The following METTL9 variants were observed in gnomAD, a reference collection of about 807,000 sequenced individuals.
METTL9 encodes the protein methyltransferase 9, His-X-His N1(pi)-histidine, also known as protein-L-histidine N-pros-methyltransferase.
Under a neutral mutation model 36.0 loss-of-function variants are expected in METTL9, and 10 were observed. The ratio of observed to expected loss-of-function variants is 0.28; its 90% CI spans 0.17 to 0.47. The LOEUF (loss-of-function observed/expected upper bound fraction) is 0.47. Ranked by LOEUF, METTL9 falls within the 20% of genes least tolerant of loss-of-function variation. The pLI is 0.99. For synonymous variants in METTL9, 175 were observed against 149.7 expected (o/e 1.17, Z -1.23); for missense variants, 246 against 383.5 (o/e 0.64, Z 3.00).
At chr16:21,630,874 A>C (rs1466269433) in intron 4 of METTL9, among the ~76,000 whole-genome samples, 1 of 152,212 alleles carries the variant, frequency 6.6e-6, no homozygotes, top group Non-Finnish European at 1.5e-5. Flanking sequence ...AGGTTGGTAC[A>C]AGAGTTTGAA....
intron 1 of METTL9, among the ~76,000 whole-genome samples, chr16:21,606,144 G>T (rs1029833049): frequency 1.3e-5 from 2 of 152,038 alleles, no homozygotes; most frequent in Non-Finnish European, 2.9e-5. Context: ...AGACCATCCC[G>T]GCTAACAGGG....
chr16:21,630,672 G>A (rs541486895), intron 4 of METTL9, among the ~76,000 whole-genome samples: 151 of 152,266 alleles, frequency 9.9e-4, no homozygotes, highest in Non-Finnish European at 1.7e-3. Context: ...TTGGTCCAGG[G>A]GTCCTCGGTA....
chr16:21,653,902 C>G (rs1966640194), intron 4 of METTL9: 1 of 152,192 alleles, frequency 6.6e-6, no homozygotes, highest in East Asian at 1.9e-4. Context: ...GGCAATTCCC[C>G]AGACATGGGA....
intron 4 of METTL9, among the ~76,000 whole-genome samples, chr16:21,646,101 G>T (rs891640324): frequency 1.6e-4 from 25 of 152,138 alleles, no homozygotes; most frequent in African/African-American, 6.0e-4. Context: ...GCGAGGAGTT[G>T]CTGCTGTTCT....
intron 4 of METTL9, chr16:21,651,901 T>C (rs1349014574): frequency 6.6e-6 from 1 of 152,196 alleles, no homozygotes; most frequent in Admixed American, 6.5e-5. Context: ...AAGTCACCCA[T>C]AGTCCTTTTG....
At chr16:21,644,891 T>C (rs1490002828) in intron 4 of METTL9, among the ~76,000 whole-genome samples, 1 of 152,190 alleles carries the variant, frequency 6.6e-6, no homozygotes, top group African/African-American at 2.4e-5. Context: ...GGGAAGGCCA[T>C]ACATTGAGGA....
intron 4 of METTL9, chr16:21,640,719 AT>A (rs2141608674): frequency 6.8e-6 from 1 of 147,446 alleles, no homozygotes; most frequent in East Asian, 2.0e-4. Context: ...GTGAGCCGAG[AT>A]TGCACCACTG....
rs543413887 is a variant in METTL9, at chr16:21,627,478, G to A, written c.751+2363G>A. 3.5e-3 allele frequency: 2,093 copies of A among 591,346 alleles called. 6 individuals are homozygous for A. The highest frequency in any genetic ancestry group is 4.4e-3 in the Middle Eastern group (5 of 1,136). 36.6% of individuals were successfully genotyped at this position (591,346 alleles called of 1,614,324 possible). A position where few individuals can be genotyped will look rare whatever the true frequency, so the allele number is the denominator to read the frequency against. On this transcript the variant is annotated intron_variant, in intron 4 of 4. Coordinates refer to ENST00000358154, the MANE Select transcript of METTL9 (RefSeq NM_016025.5). ...TTGGCTAGGGGTTATTGAATCTAGT[G>A]AGAATTATTTTAAGCACCCCCCAAA... is the stretch of plus-strand genomic sequence containing the variant.
intron 4 of METTL9, chr16:21,642,986 A>C: frequency 1.3e-6 from 1 of 799,252 alleles, no homozygotes; most frequent in Non-Finnish European, 2.1e-6. Context: ...GAAGGAAAAC[A>C]TGGTTCTTGA....
At chr16:21,627,078 C>G (rs919328365) in intron 4 of METTL9, 3 of 985,330 alleles carry the variant, frequency 3.0e-6, no homozygotes, top group Non-Finnish European at 2.4e-6. Context: ...AGACAAGAAG[C>G]CTTGTTGCTA....
chr16:21,642,932 A>G (rs999312976), intron 4 of METTL9: 28 of 568,828 alleles, frequency 4.9e-5, no homozygotes, highest in African/African-American at 3.7e-4. Context: ...AACAGGTTCT[A>G]TATAAAAATA....
intron 4 of METTL9, chr16:21,646,426 T>C (rs1441039886): frequency 1.3e-5 from 2 of 152,552 alleles, no homozygotes; most frequent in Non-Finnish European, 2.9e-5. Context: ...TTTATTGATC[T>C]TTTACACTTC....
chr16:21,635,641 A>G (rs1210438504), intron 4 of METTL9, among the ~76,000 whole-genome samples: 1 of 152,140 alleles, frequency 6.6e-6, no homozygotes, highest in South Asian at 2.1e-4. Flanking sequence ...TATTGGGGCT[A>G]GGCCATAGTG....
intron 4 of METTL9, chr16:21,644,204 C>T (rs1407958336): frequency 2.5e-5 from 24 of 963,766 alleles, no homozygotes; most frequent in Non-Finnish European, 4.0e-5. Flanking sequence ...TGCTGAGGCC[C>T]ATAACTTGTG....
Position 21,655,389 on chromosome 16 carries a change from A to G in METTL9, c.914A>G (p.Tyr305Cys). Residue 305 changes from tyrosine (Y) to cysteine (C), a missense_variant, in exon 5 of 5, where the codon TAC becomes TGC. Around this residue, in one of 2 missense-constraint regions of METTL9, gnomAD observed 146 missense variants for 302.1 expected, o/e 0.48. Coordinates refer to ENST00000358154, the MANE Select transcript of METTL9 (RefSeq NM_016025.5). ...YLCEGDMYNDYYVLDDAVFVL... is the reference protein window; with the variant it reads ...YLCEGDMYNDCYVLDDAVFVL... ...TGTGAAGGCGACATGTATAATGACT[A>G]CTACGTTCTGGATGACGCTGTCTTT... 1.2e-6 allele frequency: 2 copies of G among 1,614,176 alleles called. No homozygotes were observed. The highest frequency in any genetic ancestry group is 1.7e-6 in the Non-Finnish European group (2 of 1,180,028).
intron 4 of METTL9, among the ~76,000 whole-genome samples, chr16:21,630,849 G>A (rs962073690): frequency 6.6e-6 from 1 of 152,210 alleles, no homozygotes; most frequent in Non-Finnish European, 1.5e-5. Flanking sequence ...GAGAAGCCAT[G>A]TTGCCCAACT....
chr16:21,624,132 G>A (rs1000991891), intron 3 of METTL9, among the ~76,000 whole-genome samples: 6 of 152,120 alleles, frequency 3.9e-5, no homozygotes, highest in Non-Finnish European at 8.8e-5. Context: ...TCCTGGGAAC[G>A]GAAATGTGCT....
At chr16:21,617,018 C>A (rs1417453784) in intron 2 of METTL9, among the ~76,000 whole-genome samples, 2 of 152,172 alleles carry the variant, frequency 1.3e-5, no homozygotes, top group African/African-American at 4.8e-5. Context: ...TTATTTCCCT[C>A]CTCCCATGCT....
intron 4 of METTL9, among the ~76,000 whole-genome samples, chr16:21,651,693 A>G (rs1429545197): frequency 2.0e-5 from 3 of 152,056 alleles, no homozygotes; most frequent in Admixed American, 6.6e-5. Context: ...CTTCGACCCA[A>G]TCTTGTTTCT....
Sources: gnomAD v4.1 joint callset for allele counts (sites outside exome capture counted in the v4.1 genomes callset) on GRCh38, gnomAD v4.1.1 for gene constraint, gnomAD v4.1.1 regional missense constraint, MANE v1.5 for transcripts, NCBI Gene and HGNC (gene_info 2026-07-23, HGNC 2026-07-21) for gene names.